ACOX1: variants seen among roughly 807,000 people sequenced by gnomAD.
ACOX1 encodes peroxisomal acyl-coenzyme A oxidase 1.
In ACOX1, 41 loss-of-function variants were observed where a neutral mutation model predicts 75.5. The observed-to-expected ratio is 0.54, with a 90% CI of 0.42 to 0.70. The LOEUF is 0.70. Among genes scored for constraint, ACOX1 ranks in the 30% least tolerant of loss-of-function variants. The pLI is 0.00. For synonymous variants in ACOX1, 303 were observed against 298.8 expected (o/e 1.01, Z -0.15); for missense variants, 630 against 837.5 (o/e 0.75, Z 3.06).
At chr17:75,951,305 A>G in intron 8 of ACOX1, 110 bp downstream of exon 8, 1 of 1,364,982 alleles carries the variant, frequency 7.3e-7, no homozygotes, top group Non-Finnish European at 1.0e-6. Flanking sequence ...AGTTCTCAGA[A>G]TACATACTTC....
intron 4 of ACOX1, among the ~76,000 whole-genome samples, chr17:75,956,951 CTCTCTCTCTCTCTCTCTCTCTATATA>C (rs1436523313): frequency 4.1e-3 from 130 of 32,080 alleles, no homozygotes; most frequent in African/African-American, 0.015. Flanking sequence ...CTCTCTCTCT[CTCTCTCTCTCTCTCTCTCTCTATATA>C]TATATATATA....
At chr17:75,962,011 A>T (rs2144276906) in intron 2 of ACOX1, among the ~76,000 whole-genome samples, 1 of 152,232 alleles carries the variant, frequency 6.6e-6, no homozygotes, top group South Asian at 2.1e-4. Context: ...AATTTCAATA[A>T]TGCTTCTAGG....
At chr17:75,971,165 C>A (rs929007799) in intron 2 of ACOX1, among the ~76,000 whole-genome samples, 24 of 152,044 alleles carry the variant, frequency 1.6e-4, no homozygotes, top group Admixed American at 3.9e-4. Context: ...GTGGCACACG[C>A]CTCTAATCCC....
chr17:75,951,808 CTTTTTTTTTTTTT>C (rs1029666749), intron 7 of ACOX1, among the ~76,000 whole-genome samples: 4 of 77,430 alleles, frequency 5.2e-5, no homozygotes, highest in African/African-American at 2.2e-4. Flanking sequence ...TAAATTGAGG[CTTTTTTTTTTTTT>C]TTTTTTTTTT....
intron 2 of ACOX1, among the ~76,000 whole-genome samples, chr17:75,963,791 A>C (rs534550320): frequency 6.6e-6 from 1 of 151,996 alleles, no homozygotes; most frequent in Non-Finnish European, 1.5e-5. Flanking sequence ...TGGAAATCCC[A>C]CAAGGTGTCA....
intron 6 of ACOX1, 93 bp from the exon 7 acceptor site, chr17:75,953,713 C>T: frequency 1.4e-6 from 2 of 1,446,292 alleles, no homozygotes; most frequent in South Asian, 2.3e-5. Context: ...ATAGCAGCAT[C>T]AGCATCACCT....
At chr17:75,949,636 T>G in intron 10 of ACOX1, 36 bp from the exon 11 acceptor site, 1 of 1,613,098 alleles carries the variant, frequency 6.2e-7, no homozygotes, top group Non-Finnish European at 8.5e-7. Context: ...GAGGAAATGA[T>G]CAACAGTACT....
intron 2 of ACOX1, among the ~76,000 whole-genome samples, chr17:75,963,358 C>T (rs947189854): frequency 2.6e-5 from 4 of 152,092 alleles, no homozygotes; most frequent in Non-Finnish European, 5.9e-5. Context: ...GTCACCTCGT[C>T]CTGTCTCCTA....
chr17:75,951,017 G>T, intron 8 of ACOX1, 53 bp from the exon 9 acceptor site: 4 of 1,565,400 alleles, frequency 2.6e-6, no homozygotes, highest in South Asian at 1.1e-5. Context: ...GAGAGCCCGA[G>T]AACCAATGAG....
At chr17:75,973,837 T>A (rs745375388) in intron 2 of ACOX1, 1 of 1,595,816 alleles carries the variant, frequency 6.3e-7, no homozygotes, top group South Asian at 1.1e-5. Context: ...AACTGCATCC[T>A]ACAACCCCTT....
At chr17:75,953,278 G>A (rs900527234) in intron 7 of ACOX1, 173 bp downstream of exon 7, 5 of 669,866 alleles carry the variant, frequency 7.5e-6, no homozygotes, top group Middle Eastern at 4.2e-4. Context: ...GGTTATTTCT[G>A]TCTTTCCTCT....
At chr17:75,972,240 T>A (rs917665594) in intron 2 of ACOX1, among the ~76,000 whole-genome samples, 1 of 141,022 alleles carries the variant, frequency 7.1e-6, no homozygotes, top group Non-Finnish European at 1.5e-5. Context: ...GGCAGGAGAA[T>A]GGCGTGAACC....
chr17:75,956,015 G>T (rs1289418517), intron 4 of ACOX1, 68 bp from the exon 5 acceptor site: 1 of 1,602,182 alleles, frequency 6.2e-7, no homozygotes. Context: ...GTAGAAAAAA[G>T]AAGAAAGAAT....
chr17:75,966,491 AAAT>A (rs1470831195), intron 2 of ACOX1, among the ~76,000 whole-genome samples: 1 of 150,442 alleles, frequency 6.6e-6, no homozygotes, highest in African/African-American at 2.4e-5. Flanking sequence ...AAAAAATAAA[AAAT>A]AAAAATAAAA....
rs1461902421 is a variant in ACOX1, at chr17:75,949,252, A to G, written c.1693T>C (p.Tyr565His). 6.2e-7 allele frequency: 1 copy of G among 1,614,200 alleles called. No individual in the cohort carries two copies. Among genetic ancestry groups the G allele is most frequent in the Non-Finnish European group, 8.5e-7 (1 of 1,180,010 alleles). Residue 565 changes from tyrosine to histidine, a missense_variant, in exon 12 of 14, where the codon TAT becomes CAT. By Grantham distance (83) the Tyr-to-His change is moderately conservative. Around this residue, in one of 2 missense-constraint regions of ACOX1, gnomAD observed 240 missense variants for 262.7 expected, o/e 0.91. Transcript: ENST00000293217. ...TCCCCCGCGTTCTGACTGATTCCAT[A>G]CAGAGAATACAGCAGACATAAACTC... is the stretch of plus-strand genomic sequence containing the variant. ...LRSLCLLYSL[Y>H]GISQNAGDFL... is the part of the protein sequence containing the mutation.
At position 75,960,188 on chromosome 17, in the gene ACOX1, C is replaced by A; in HGVS notation, c.430+27G>T. The A allele has an allele frequency of 3.7e-6, 6 of 1,613,744 alleles. No homozygotes were observed. Among genetic ancestry groups the A allele is most frequent in the Non-Finnish European group, 5.1e-6 (6 of 1,179,832 alleles). On this transcript the variant is annotated intron_variant, in intron 3 of 13. Coordinates refer to ENST00000293217, the MANE Select transcript of ACOX1 (RefSeq NM_004035.7). The surrounding 1 kb of genome is among the most constrained non-coding windows in gnomAD (Gnocchi z 4.4). Reference sequence around the variant, plus strand: ...GTAAGCTCACAGGGGCCCGCCCAACCCAGAAGGTAGACTGAATACTCCATA... The same window carrying A: ...GTAAGCTCACAGGGGCCCGCCCAACACAGAAGGTAGACTGAATACTCCATA...
intron 2 of ACOX1, among the ~76,000 whole-genome samples, chr17:75,964,529 G>A (rs954612613): frequency 1.3e-5 from 2 of 152,120 alleles, no homozygotes; most frequent in Non-Finnish European, 2.9e-5. Flanking sequence ...CAACAAATGC[G>A]CTCAGTAGGG....
chr17:75,973,598 A>T (rs2066016922), intron 2 of ACOX1: 1 of 1,613,564 alleles, frequency 6.2e-7, no homozygotes, highest in South Asian at 1.1e-5. Context: ...GAGGTGGGTT[A>T]CCCACAGACC....
intron 2 of ACOX1, among the ~76,000 whole-genome samples, chr17:75,970,018 C>G (rs1318328568): frequency 2.0e-5 from 3 of 151,728 alleles, no homozygotes; most frequent in Non-Finnish European, 4.4e-5. Context: ...AACCCTGTCT[C>G]TACTAAAAAT....
Sources: allele counts gnomAD v4.1 joint callset (sites outside exome capture counted in the v4.1 genomes callset), GRCh38; gene constraint gnomAD v4.1.1; regional missense constraint gnomAD v4.1.1; non-coding constraint Gnocchi (gnomAD v3.1); transcripts MANE v1.5; gene names NCBI Gene and HGNC (gene_info 2026-07-23, HGNC 2026-07-21).